MSTO1: variants seen among roughly 807,000 people sequenced by gnomAD.
The protein encoded by MSTO1 is protein misato homolog 1.
Under a neutral mutation model 55.7 loss-of-function variants are expected in MSTO1, and 24 were observed. The ratio of observed to expected loss-of-function variants is 0.43; its 90% CI spans 0.31 to 0.61. MSTO1 has a LOEUF of 0.61. Among genes scored for constraint, MSTO1 ranks in the 20% least tolerant of loss-of-function variants. MSTO1 has a pLI of 0.09. For synonymous variants in MSTO1, 162 were observed against 252.8 expected (o/e 0.64, Z 3.41); for missense variants, 363 against 625.7 (o/e 0.58, Z 4.48).
the MSTO1 span, among the ~76,000 whole-genome samples, chr1:155,600,886 C>A: frequency 6.6e-6 from 1 of 151,356 alleles, no homozygotes; most frequent in Non-Finnish European, 1.5e-5. Context: ...CTGCGTTAGC[C>A]AGTATGGTCT....
the MSTO1 span, among the ~76,000 whole-genome samples, chr1:155,569,131 A>T: frequency 6.6e-6 from 1 of 150,594 alleles, no homozygotes; most frequent in South Asian, 2.1e-4. Context: ...TTTTATTTTT[A>T]TTTATTTATT....
chr1:155,609,243 A>ATATATATATATATATATATATATATTT (rs59756178), upstream of MSTO1, among the ~76,000 whole-genome samples: 2 of 54,576 alleles, frequency 3.7e-5, no homozygotes, highest in African/African-American at 7.3e-5. Flanking sequence ...ATATATATAT[A>ATATATATATATATATATATATATATTT]TTTTTTTTTT....
At chr1:155,585,395 C>T in the MSTO1 span, among the ~76,000 whole-genome samples, 3 of 151,986 alleles carry the variant, frequency 2.0e-5, no homozygotes, top group Non-Finnish European at 4.4e-5. Flanking sequence ...TGGTGGCGGG[C>T]ACCTATAGTT....
chr1:155,587,503 G>A, the MSTO1 span, among the ~76,000 whole-genome samples: 1 of 151,204 alleles, frequency 6.6e-6, no homozygotes, highest in Admixed American at 6.6e-5. Context: ...CAGCACTTTG[G>A]GAGGCCGAGG....
the MSTO1 span, chr1:155,598,708 C>T: frequency 1.8e-5 from 9 of 490,330 alleles, no homozygotes; most frequent in Admixed American, 6.2e-5. Flanking sequence ...GAGAACAGAG[C>T]GAGACCCAGT....
chr1:155,578,336 CTT>C, the MSTO1 span, among the ~76,000 whole-genome samples: 10 of 44,280 alleles, frequency 2.3e-4, no homozygotes, highest in South Asian at 1.3e-3. Context: ...AACTACCTTT[CTT>C]TTTTTTTTTT....
the MSTO1 span, chr1:155,590,639 G>A: frequency 8.5e-6 from 12 of 1,407,018 alleles, no homozygotes; most frequent in Middle Eastern, 1.8e-4. Flanking sequence ...GAGGTCCCCC[G>A]AGAGATGGCA....
the MSTO1 span, among the ~76,000 whole-genome samples, chr1:155,567,950 A>G: frequency 6.6e-6 from 1 of 151,806 alleles, no homozygotes; most frequent in East Asian, 2.0e-4. Flanking sequence ...AGGCAGGAGC[A>G]TCACTTGAAC....
At chr1:155,582,425 T>A in the MSTO1 span, among the ~76,000 whole-genome samples, 1 of 152,146 alleles carries the variant, frequency 6.6e-6, no homozygotes, top group East Asian at 1.9e-4. Context: ...TTGTGTTGAT[T>A]TGGCTTGTTG....
chr1:155,585,961 T>G, the MSTO1 span, among the ~76,000 whole-genome samples: 1 of 150,552 alleles, frequency 6.6e-6, no homozygotes, highest in Non-Finnish European at 1.5e-5. Flanking sequence ...CTATGCTAGA[T>G]GTAGTGTTCA....
the MSTO1 span, among the ~76,000 whole-genome samples, chr1:155,584,691 A>AAAGAAAG: frequency 2.6e-5 from 2 of 75,614 alleles, no homozygotes; most frequent in Non-Finnish European, 4.7e-5. Context: ...AAAAAAAAAA[A>AAAGAAAG]AAAGAAAGAA....
chr1:155,580,248 G>C, the MSTO1 span, among the ~76,000 whole-genome samples: 1 of 148,816 alleles, frequency 6.7e-6, no homozygotes, highest in East Asian at 2.0e-4. Context: ...AAAAAGGGCC[G>C]AGTGTGGTGG....
rs1675213867 is a variant in MSTO1, at chr1:155,614,589, C to G, written c.*316C>G. 1 of 635,574 alleles carries G rather than the reference C, an allele frequency of 1.6e-6. No individual in the cohort carries two copies. Among genetic ancestry groups the G allele is most frequent in the African/African-American group, 1.8e-5 (1 of 54,650 alleles). The allele number at this position is 635,574 out of a possible 1,614,324, so 39.4% of individuals were successfully genotyped here. On this transcript the variant is annotated 3_prime_UTR_variant, in exon 14 of 14. Coordinates refer to ENST00000245564, the MANE Select transcript of MSTO1 (RefSeq NM_018116.4). ...TCCTACTCCATCCTCCAGCCTTTGT[C>G]CTTGTCCTGGCCTCCTGCTCTCCAG... is the stretch of plus-strand genomic sequence containing the variant.
chr1:155,610,245 C>G lies in MSTO1; in HGVS notation c.-4C>G. On this transcript the variant is annotated 5_prime_UTR_variant, in exon 1 of 14. Coordinates refer to ENST00000245564, the MANE Select transcript of MSTO1 (RefSeq NM_018116.4). ...GGCGCGGCGGCCCCGTGGAGCAGCG[C>G]AGTATGGCGGGCGGGGCCCGGGAGG... The G allele has an allele frequency of 1.6e-6, 1 of 637,520 alleles. No homozygotes were observed. Among genetic ancestry groups the G allele is most frequent in the South Asian group, 1.8e-5 (1 of 54,378 alleles). 39.5% of individuals were successfully genotyped at this position (637,520 alleles called of 1,614,324 possible).
At chr1:155,579,065 T>C in the MSTO1 span, among the ~76,000 whole-genome samples, 1 of 150,534 alleles carries the variant, frequency 6.6e-6, no homozygotes, top group African/African-American at 2.4e-5. Flanking sequence ...CCCAGCACTT[T>C]GGGAGGCTGG....
the MSTO1 span, among the ~76,000 whole-genome samples, chr1:155,581,155 G>A: frequency 2.0e-5 from 3 of 152,022 alleles, no homozygotes; most frequent in Admixed American, 2.0e-4. Context: ...TTTAAGAGAC[G>A]CAGTCTTGCT....
At position 155,613,097 on chromosome 1, in the gene MSTO1, T is replaced by G. The variant is rs768887692; in HGVS notation, c.1147T>G (p.Ser383Ala). The change falls in exon 11 of 14, where the codon TCC (serine) becomes GCC (alanine). Residue 383 changes from serine to alanine, a missense_variant. Physicochemically the swap from Ser to Ala is moderately conservative, Grantham distance 99. This residue lies in a region of MSTO1 where 231 missense variants were observed against 286.9 expected (regional missense o/e 0.81). Transcript: ENST00000245564. ...IIPFPLAPGQ[S>A]LPDSLMQFGG... ...CCCTTTCCCCTTGGCTCCAGGCCAG[T>G]CCCTTCCTGATTCCCTGATGCAGTT... 18 of 1,613,694 alleles carry G rather than the reference T, an allele frequency of 1.1e-5. No individual in the cohort carries two copies. The highest frequency in any genetic ancestry group is 1.5e-5 in the Non-Finnish European group (18 of 1,180,002).
At chr1:155,569,795 C>T in the MSTO1 span, among the ~76,000 whole-genome samples, 1 of 151,760 alleles carries the variant, frequency 6.6e-6, no homozygotes, top group Non-Finnish European at 1.5e-5. Flanking sequence ...TGTTTGGGAA[C>T]AGAAATGTTG....
At chr1:155,569,044 G>C in the MSTO1 span, among the ~76,000 whole-genome samples, 86 of 151,576 alleles carry the variant, frequency 5.7e-4, no homozygotes, top group Non-Finnish European at 6.2e-4. Flanking sequence ...AGTAGAGCCG[G>C]GGTTTCAGCA....
Sources: gnomAD v4.1 joint callset for allele counts (sites outside exome capture counted in the v4.1 genomes callset) on GRCh38, gnomAD v4.1.1 for gene constraint, gnomAD v4.1.1 regional missense constraint, MANE v1.5 for transcripts, NCBI Gene and HGNC (gene_info 2026-07-23, HGNC 2026-07-21) for gene names.